Variants in CTR9 observed in about 807,000 individuals in gnomAD.
CTR9 encodes the protein CTR9 component of Paf1/RNA polymerase II complex.
CTR9 carries 41 observed loss-of-function variants against 152.1 expected under a neutral mutation model. The observed-to-expected ratio is 0.27, with a 90% confidence interval of 0.21 to 0.35. The LOEUF is 0.35. Ranked by LOEUF, CTR9 falls within the 10% of genes least tolerant of loss-of-function variation. The pLI is 1.00. For synonymous variants in CTR9, 476 were observed against 496.2 expected (o/e 0.96, Z 0.54); for missense variants, 917 against 1,424.4 (o/e 0.64, Z 5.73).
chr11:10,764,582 C>T lies in CTR9; in HGVS notation c.1448C>T (p.Ala483Val). The T allele has an allele frequency of 6.2e-7, 1 of 1,612,056 alleles. No individual in the cohort carries two copies. The highest frequency in any genetic ancestry group is 2.2e-5 in the East Asian group (1 of 44,826). Residue 483 changes from alanine to valine, a missense_variant, in exon 12 of 25, where the codon GCA becomes GTA. Physicochemically the swap from Ala to Val is moderately conservative, Grantham distance 64. This residue lies in a region of CTR9 where 133 missense variants were observed against 244.1 expected (regional missense o/e 0.54). Coordinates refer to ENST00000361367, the MANE Select transcript of CTR9 (RefSeq NM_014633.5). ...YFLASLDRAK[A>V]EAEHDEHYYN... The stretch of plus-strand genomic sequence containing the variant: ...TTGGCGTCATTGGACCGTGCAAAAG[C>T]AGAAGCGGAACACGATGAGCATTAC...
Position 10,760,216 on chromosome 11 carries a change from C to A in CTR9, c.636C>A (p.Asn212Lys). The change falls in exon 6 of 25, where the codon AAC (asparagine) becomes AAA (lysine). Residue 212 changes from asparagine to lysine, a missense_variant. Transcript: ENST00000361367. The stretch of plus-strand genomic sequence containing the variant: ...TGGGTCATTGCTTTGTGAAACTTAA[C>A]AAACTGGAAAAAGCTCGTCTGGCAT... ...LGMGHCFVKL[N>K]KLEKARLAFS... is the part of the protein sequence containing the mutation. 1 of 1,614,016 alleles carries A rather than the reference C, an allele frequency of 6.2e-7. No individual in the cohort carries two copies. Among genetic ancestry groups the A allele is most frequent in the Non-Finnish European group, 8.5e-7 (1 of 1,179,938 alleles).
chr11:10,779,079 G>C lies in CTR9; in HGVS notation c.3496G>C (p.Glu1166Gln), dbSNP rs1054206320. Residue 1166 changes from glutamate to glutamine, a missense_variant, in exon 25 of 25, where the codon GAA (glutamate) becomes CAA (glutamine). Glu to Gln is a conservative substitution (Grantham distance 29, BLOSUM62 2). This residue lies in a region of CTR9 where 384 missense variants were observed against 398.4 expected (regional missense o/e 0.96). Coordinates refer to ENST00000361367, the MANE Select transcript of CTR9 (RefSeq NM_014633.5). ...CAATGAGGCCTCAGATAGAGGCTCAGAACATGGGTCAGATGATAGTGACTA... is the reference window on the plus strand; with the variant it reads ...CAATGAGGCCTCAGATAGAGGCTCACAACATGGGTCAGATGATAGTGACTA... Reference protein sequence around the residue: ...SNNEASDRGSEHGSDDSD With the variant: ...SNNEASDRGSQHGSDDSD The C allele has an allele frequency of 7.4e-6, 12 of 1,613,892 alleles. No individual in the cohort carries two copies. The highest frequency in any genetic ancestry group is 9.3e-6 in the Non-Finnish European group (11 of 1,179,798).
intron 12 of CTR9, 53 bp downstream of exon 12, chr11:10,764,784 C>T: frequency 6.9e-7 from 1 of 1,446,776 alleles, no homozygotes; most frequent in African/African-American, 1.4e-5. Context: ...CCCACAAGAG[C>T]AGCAAAAATT....
chr11:10,776,272 A>G (rs1564973360), intron 24 of CTR9, among the ~76,000 whole-genome samples: 1 of 152,000 alleles, frequency 6.6e-6, no homozygotes, highest in Non-Finnish European at 1.5e-5. Context: ...TTTAGTAGAG[A>G]CGGGGTTTCT....
intron 22 of CTR9, among the ~76,000 whole-genome samples, chr11:10,774,530 G>C (rs544910360): frequency 9.2e-5 from 14 of 152,338 alleles, no homozygotes; most frequent in African/African-American, 3.1e-4. Context: ...TTTCCTCTCT[G>C]TCGTTGGTAA....
At position 10,774,892 on chromosome 11, in the gene CTR9, A is replaced by G. The variant is rs527325996; in HGVS notation, c.2886-315A>G. ...TGGGAAAGAAGGAAGAGGAAGGGAA[A>G]GACGTTGAAGTCTGGAGCCTGGGTC... On this transcript the variant is annotated intron_variant, in intron 22 of 24. Transcript: ENST00000361367. Among the ~76,000 whole-genome samples the G allele has an allele frequency of 2.0e-5, 3 of 151,972 alleles. No homozygotes were observed. In the East Asian group the frequency reaches 5.8e-4, roughly 29 times the overall value.
At chr11:10,761,146 C>T (rs1045391910) in intron 6 of CTR9, among the ~76,000 whole-genome samples, 3 of 152,188 alleles carry the variant, frequency 2.0e-5, no homozygotes, top group East Asian at 1.9e-4. Flanking sequence ...AACAGCATCC[C>T]GGGCCTCTAC....
At chr11:10,772,458 A>G in intron 19 of CTR9, 62 bp from the exon 20 acceptor site, 2 of 1,290,346 alleles carry the variant, frequency 1.5e-6, no homozygotes, top group Non-Finnish European at 2.0e-6. Context: ...AGGAAAATAG[A>G]TGTGCTGAGT....
At chr11:10,771,395 T>C in intron 18 of CTR9, 150 bp from the exon 19 acceptor site, 2 of 547,170 alleles carry the variant, frequency 3.7e-6, no homozygotes, top group South Asian at 4.9e-5. Context: ...TGAACGTGTC[T>C]ATTAAATGTA....
chr11:10,770,628 C>T lies in CTR9; in HGVS notation c.2368C>T (p.His790Tyr), dbSNP rs772369446. 5.0e-6 allele frequency: 8 copies of T among 1,608,448 alleles called. No homozygotes were observed. Among genetic ancestry groups the T allele is most frequent in the Non-Finnish European group, 1.7e-6 (2 of 1,178,668 alleles). ...LNAVKELELAHRYFSYLSKVG... is the reference protein window; with the variant it reads ...LNAVKELELAYRYFSYLSKVG... ...TGCTGTGAAAGAACTGGAGCTTGCACATAGGTAAAGATTTTGTAGAAACAA... is the reference window on the plus strand; with the variant it reads ...TGCTGTGAAAGAACTGGAGCTTGCATATAGGTAAAGATTTTGTAGAAACAA... Residue 790 changes from histidine to tyrosine, a missense_variant, in exon 18 of 25, where the codon CAT becomes TAT. This residue lies in a region of CTR9 where 106 missense variants were observed against 157.8 expected (regional missense o/e 0.67). Transcript: ENST00000361367.
chr11:10,765,495 T>C (rs1261943136), intron 12 of CTR9, among the ~76,000 whole-genome samples: 2 of 152,156 alleles, frequency 1.3e-5, no homozygotes, highest in East Asian at 1.9e-4. Flanking sequence ...GGAGTCTTGC[T>C]CTGTCACCCA....
chr11:10,763,612 A>G (rs147990647), intron 8 of CTR9, 31 bp from the exon 9 acceptor site: 15 of 1,568,132 alleles, frequency 9.6e-6, no homozygotes, highest in Non-Finnish European at 1.2e-5. Context: ...ACTTTTGTAC[A>G]TATTGGTCTT....
chr11:10,775,095 A>G, intron 22 of CTR9, 112 bp from the exon 23 acceptor site: 14 of 792,918 alleles, frequency 1.8e-5, no homozygotes, highest in Non-Finnish European at 2.7e-5. Flanking sequence ...ATGATTGAGG[A>G]CAGCACCCAT....
rs1349071599 is a variant in CTR9 at position 10,772,538 on chromosome 11, G to C, written c.2463G>C (p.Leu821=). ...GTTCTAGGCAGTGTTCTGACTTACTGAGCCAGGCCCAGTACCATGTGGCCC... is the reference window on the plus strand; with the variant it reads ...GTTCTAGGCAGTGTTCTGACTTACTCAGCCAGGCCCAGTACCATGTGGCCC... ...ATEARQCSDL[L]SQAQYHVARA... Residue 821 remains leucine, a synonymous_variant, in exon 20 of 25, where the codon CTG becomes CTC. Transcript: ENST00000361367. 6.4e-7 allele frequency: 1 copy of C among 1,566,842 alleles called. No individual in the cohort carries two copies. Among genetic ancestry groups the C allele is most frequent in the Admixed American group, 1.9e-5 (1 of 51,654 alleles).
rs183398448 is a variant in CTR9, at chr11:10,770,387, C to T, written c.2226+61C>T. ...TGCTACATTGTATTTTTTAATTCTT[C>T]GTGATGCGTGTTCACATACCTACTA... is the stretch of plus-strand genomic sequence containing the variant. On this transcript the variant is annotated intron_variant, in intron 17 of 24. Coordinates refer to ENST00000361367, the MANE Select transcript of CTR9 (RefSeq NM_014633.5). 346 of 1,575,290 alleles carry T rather than the reference C, an allele frequency of 2.2e-4. 2 individuals carry two copies. The Middle Eastern group carries it at 5.5e-3, about 25-fold the overall frequency.
At position 10,760,168 on chromosome 11, in the gene CTR9, T is replaced by G; in HGVS notation, c.593-5T>G. 6.2e-7 allele frequency: 1 copy of G among 1,612,656 alleles called. No homozygotes were observed. Among genetic ancestry groups the G allele is most frequent in the South Asian group, 1.1e-5 (1 of 90,876 alleles). The stretch of plus-strand genomic sequence containing the variant: ...TTTGATAGATTGAATGACTTCATTT[T>G]ATAGCGGAAGTTCGTTTAGGAATGG... On this transcript the variant is annotated splice_polypyrimidine_tract_variant and splice_region_variant and intron_variant, in intron 5 of 24. Coordinates refer to ENST00000361367, the MANE Select transcript of CTR9 (RefSeq NM_014633.5).
At chr11:10,758,459 A>G (rs1442171023) in intron 5 of CTR9, among the ~76,000 whole-genome samples, 1 of 152,232 alleles carries the variant, frequency 6.6e-6, no homozygotes, top group Non-Finnish European at 1.5e-5. Context: ...CCTATGATGT[A>G]TAAGACAGAG....
chr11:10,774,862 A>G (rs1011158307), intron 22 of CTR9, among the ~76,000 whole-genome samples: 52 of 152,202 alleles, frequency 3.4e-4, no homozygotes, highest in African/African-American at 1.2e-3. Context: ...CCTGGAATCA[A>G]TAGTTGGGAA....
At chr11:10,778,619 CTCA>C in intron 24 of CTR9, 57 bp from the exon 25 acceptor site, 1 of 1,499,250 alleles carries the variant, frequency 6.7e-7, no homozygotes, top group Non-Finnish European at 9.1e-7. Context: ...ACATTGTCTG[CTCA>C]TCAAGGCCCC....
Sources: gnomAD v4.1 joint callset for allele counts (sites outside exome capture counted in the v4.1 genomes callset) on GRCh38, gnomAD v4.1.1 for gene constraint, gnomAD v4.1.1 regional missense constraint, MANE v1.5 for transcripts, NCBI Gene and HGNC (gene_info 2026-07-23, HGNC 2026-07-21) for gene names.